Variants in WDFY4 observed in about 807,000 individuals in gnomAD.
WDFY4 encodes the protein WD repeat- and FYVE domain-containing protein 4.
In WDFY4, 169 loss-of-function variants were observed where a neutral mutation model predicts 351.9. The ratio of observed to expected loss-of-function variants is 0.48; its 90% CI spans 0.42 to 0.55. The LOEUF (loss-of-function observed/expected upper bound fraction) is 0.55, where lower values mean the gene tolerates loss of function less well. Among genes scored for constraint, WDFY4 ranks in the 20% least tolerant of loss-of-function variants. The pLI, the probability that WDFY4 is intolerant of heterozygous loss-of-function variation, is 0.00. For synonymous variants in WDFY4, 1,622 were observed against 1,574.6 expected (o/e 1.03, Z -0.71); for missense variants, 3,803 against 3,935.6 (o/e 0.97, Z 0.90).
chr10:48,823,511 A>G, intron 35 of WDFY4: 1 of 1,138,564 alleles, frequency 8.8e-7, no homozygotes, highest in Non-Finnish European at 1.1e-6. Flanking sequence ...CACAGTTTCT[A>G]GAGCCATCTT....
At chr10:48,790,986 G>A (rs756469430) in intron 23 of WDFY4, 69 bp downstream of exon 23, 3 of 1,516,498 alleles carry the variant, frequency 2.0e-6, no homozygotes, top group African/African-American at 2.8e-5. Context: ...ACAGGGACAA[G>A]CGTTGCTTGC....
At chr10:48,954,152 T>C (rs956882712) in intron 51 of WDFY4, among the ~76,000 whole-genome samples, 2 of 152,254 alleles carry the variant, frequency 1.3e-5, no homozygotes, top group Non-Finnish European at 1.5e-5. Context: ...TAGGATTATA[T>C]TGTTTCTGAA....
chr10:48,778,479 G>A, intron 17 of WDFY4, 132 bp from the exon 18 acceptor site: 1 of 874,614 alleles, frequency 1.1e-6, no homozygotes, highest in Non-Finnish European at 1.8e-6. Flanking sequence ...TAATGGGGAG[G>A]AGACAACTGG....
intron 1 of WDFY4, among the ~76,000 whole-genome samples, chr10:48,690,279 T>C (rs531435178): frequency 6.6e-6 from 1 of 152,196 alleles, no homozygotes; most frequent in Non-Finnish European, 1.5e-5. Context: ...TCTGATACTT[T>C]AAGGAAAAGG....
At chr10:48,703,354 T>C (rs2132160419) in intron 1 of WDFY4, among the ~76,000 whole-genome samples, 1 of 152,288 alleles carries the variant, frequency 6.6e-6, no homozygotes, top group African/African-American at 2.4e-5. Flanking sequence ...TATCATCTGG[T>C]TTAGAGGCTT....
chr10:48,809,166 C>T (rs1008749743), intron 28 of WDFY4, among the ~76,000 whole-genome samples: 3 of 149,234 alleles, frequency 2.0e-5, no homozygotes, highest in Non-Finnish European at 4.4e-5. Flanking sequence ...ACCATTACCA[C>T]CACCATCATC....
Position 48,969,048 on chromosome 10 carries a change from A to G in WDFY4, c.8585-16A>G. 2.6e-6 allele frequency: 4 copies of G among 1,548,360 alleles called. No individual in the cohort carries two copies. Among genetic ancestry groups the G allele is most frequent in the Non-Finnish European group, 3.5e-6 (4 of 1,144,438 alleles). On this transcript the variant is annotated splice_polypyrimidine_tract_variant and intron_variant, in intron 55 of 61. Coordinates refer to ENST00000325239, the MANE Select transcript of WDFY4 (RefSeq NM_001394531.1). ...GTTCTTCCATGCATAAGTTCGCCATACTAACTGGGGTGTAGATATGTACCT... is the reference window on the plus strand; with the variant it reads ...GTTCTTCCATGCATAAGTTCGCCATGCTAACTGGGGTGTAGATATGTACCT...
At chr10:48,753,729 G>T (rs1301259028) in intron 12 of WDFY4, among the ~76,000 whole-genome samples, 2 of 152,130 alleles carry the variant, frequency 1.3e-5, no homozygotes, top group Non-Finnish European at 2.9e-5. Flanking sequence ...TTATCCTTAT[G>T]TCAGCTCCAC....
intron 21 of WDFY4, among the ~76,000 whole-genome samples, chr10:48,788,938 C>T (rs917847069): frequency 6.6e-6 from 1 of 152,202 alleles, no homozygotes. Flanking sequence ...ATTTTAAATA[C>T]CTTTGCAACA....
chr10:48,774,583 C>T lies in WDFY4; in HGVS notation c.2679C>T (p.Ala893=). ...LGTLMASCHR[A]LVTSGSPLHS... ...CCCTCATGGCCTCCTGCCACAGGGC[C>T]CTGGTCACCAGTGGCAGCCCCCTCC... The change falls in exon 14 of 62, where the codon GCC becomes GCT. Residue 893 remains alanine (A), a synonymous_variant. Transcript: ENST00000325239. 1 of 1,551,676 alleles carries T rather than the reference C, an allele frequency of 6.4e-7. No individual in the cohort carries two copies. The highest frequency in any genetic ancestry group is 8.7e-7 in the Non-Finnish European group (1 of 1,146,972).
chr10:48,803,416 G>T, intron 25 of WDFY4, 57 bp downstream of exon 25: 1 of 1,524,582 alleles, frequency 6.6e-7, no homozygotes. Context: ...GTCCAGAACA[G>T]AGACAGGGCA....
At chr10:48,913,555 C>G (rs748422496) in intron 47 of WDFY4, 2 of 1,614,038 alleles carry the variant, frequency 1.2e-6, no homozygotes, top group Admixed American at 1.7e-5. Context: ...TTCTCCTCCA[C>G]AACATACAAG....
Position 48,778,682 on chromosome 10 carries a change from G to A in WDFY4, c.3247G>A (p.Ala1083Thr). The A allele has an allele frequency of 6.4e-7, 1 of 1,551,648 alleles. No homozygotes were observed. The highest frequency in any genetic ancestry group is 1.4e-5 in the African/African-American group (1 of 73,194). Residue 1083 changes from alanine (A) to threonine (T), a missense_variant, in exon 18 of 62, where the codon GCT (alanine) becomes ACT (threonine). Ala to Thr is a moderately conservative substitution (Grantham distance 58, BLOSUM62 0). This residue lies in a region of WDFY4 where 3,054 missense variants were observed against 3,148.6 expected (regional missense o/e 0.97). Transcript: ENST00000325239. ...CTGGTTCCTGATCAGCCGGCATGGA[G>A]CTGCCACTGAGGGCCACCCGCTGCG... is the stretch of plus-strand genomic sequence containing the variant. ...SCWFLISRHG[A>T]ATEGHPLRFL...
intron 9 of WDFY4, among the ~76,000 whole-genome samples, chr10:48,733,331 T>C (rs942011273): frequency 6.6e-6 from 1 of 151,846 alleles, no homozygotes; most frequent in Non-Finnish European, 1.5e-5. Flanking sequence ...ATTCCCCAAA[T>C]AAGTATTGAG....
chr10:48,704,013 C>A (rs889435506), intron 1 of WDFY4, among the ~76,000 whole-genome samples: 2 of 152,004 alleles, frequency 1.3e-5, no homozygotes, highest in African/African-American at 4.8e-5. Context: ...GCAGGCTCGC[C>A]ATCTGGTTCC....
Position 48,970,292 on chromosome 10 carries a change from A to C in WDFY4, c.8928+3A>C, listed in dbSNP as rs1330058350. On this transcript the variant is annotated splice_donor_region_variant and intron_variant, in intron 57 of 61. Transcript: ENST00000325239. Reference sequence around the variant, plus strand: ...CGAGGGGCTTGCGCCTCCGGCAGGTATGGTCCAGCTCGTGCAGGTGCGGTC... The same window carrying C: ...CGAGGGGCTTGCGCCTCCGGCAGGTCTGGTCCAGCTCGTGCAGGTGCGGTC... 1 of 1,550,044 alleles carries C rather than the reference A, an allele frequency of 6.5e-7. No individual in the cohort carries two copies. The highest frequency in any genetic ancestry group is 2.0e-5 in the Admixed American group (1 of 51,006).
rs777369238 is a variant in WDFY4 at position 48,981,453 on chromosome 10, G to A, written c.9463G>A (p.Ala3155Thr). 3.4e-5 allele frequency: 53 copies of A among 1,551,536 alleles called. No homozygotes were observed. Among genetic ancestry groups the A allele is most frequent in the East Asian group, 7.3e-5 (3 of 40,926 alleles). ...LTGKPSKTSP[A>T]VTALAVSRNH... is the part of the protein sequence containing the mutation. ...AGGGAAGCCCAGCAAAACCAGCCCC[G>A]CAGTGACTGCTCTGGCCGTGTCCAG... Residue 3155 changes from alanine (A) to threonine (T), a missense_variant, in exon 61 of 62, where the codon GCA becomes ACA. By Grantham distance (58) the Ala-to-Thr change is moderately conservative. Around this residue, in one of 3 missense-constraint regions of WDFY4, gnomAD observed 3,054 missense variants for 3,148.6 expected, o/e 0.97. Coordinates refer to ENST00000325239, the MANE Select transcript of WDFY4 (RefSeq NM_001394531.1).
At chr10:48,809,908 A>AG (rs763353561) in intron 28 of WDFY4, among the ~76,000 whole-genome samples, 4 of 152,184 alleles carry the variant, frequency 2.6e-5, no homozygotes, top group Non-Finnish European at 4.4e-5. Flanking sequence ...TGTTCCCAAA[A>AG]GTCTGGGTCC....
intron 4 of WDFY4, 48 bp from the exon 5 acceptor site, chr10:48,723,385 G>T: frequency 6.5e-7 from 1 of 1,541,166 alleles, no homozygotes; most frequent in African/African-American, 1.4e-5. Flanking sequence ...GGGCTGACCT[G>T]CTTCTGCTGC....
Sources: gnomAD v4.1 joint callset for allele counts (sites outside exome capture counted in the v4.1 genomes callset) on GRCh38, gnomAD v4.1.1 for gene constraint, gnomAD v4.1.1 regional missense constraint, MANE v1.5 for transcripts, NCBI Gene and HGNC (gene_info 2026-07-23, HGNC 2026-07-21) for gene names.